CDH12: variants seen among roughly 807,000 people sequenced by gnomAD.
The protein encoded by CDH12 is cadherin-12.
Under a neutral mutation model 74.1 loss-of-function variants are expected in CDH12, and 41 were observed. The ratio of observed to expected loss-of-function variants is 0.55; its 90% confidence interval spans 0.43 to 0.72. CDH12 has a LOEUF of 0.72. CDH12 is among the 30% of genes least tolerant of loss of function. The pLI is 0.00. For synonymous variants in CDH12, 399 were observed against 355.0 expected (o/e 1.12, Z -1.39); for missense variants, 945 against 977.2 (o/e 0.97, Z 0.44).
chr5:22,434,415 TC>T (rs1164070348), intron 2 of CDH12, among the ~76,000 whole-genome samples: 4 of 152,156 alleles, frequency 2.6e-5, no homozygotes, highest in Non-Finnish European at 5.9e-5. Context: ...TTCAATTTTT[TC>T]TTGTCCAAAT....
In CDH12 at chr5:22,717,803, G is replaced by A. The variant is rs540125687; in HGVS notation, c.-523+135255C>T. On this transcript the variant is annotated intron_variant, in intron 1 of 14. Transcript: ENST00000382254. ...TGTTGCCTGAGGTTTGCAATTGGGG[G>A]ACCACTTCCTGCCAAGATTAGAGAG... Among the ~76,000 whole-genome samples, 8 of 152,050 alleles carry A rather than the reference G, an allele frequency of 5.3e-5. No homozygotes were observed. In the South Asian group the frequency reaches 1.7e-3, roughly 32 times the overall value.
intron 6 of CDH12, among the ~76,000 whole-genome samples, chr5:21,932,756 G>A (rs1267761428): frequency 6.6e-6 from 1 of 151,316 alleles, no homozygotes; most frequent in Non-Finnish European, 1.5e-5. Context: ...AAAATTAGCT[G>A]GGTGTCATGG....
chr5:22,846,214 G>A (rs150139290), intron 1 of CDH12, among the ~76,000 whole-genome samples: 10 of 152,238 alleles, frequency 6.6e-5, no homozygotes, highest in African/African-American at 2.4e-4. Context: ...GTAAAGAGGG[G>A]CAGAAATGAA....
chr5:22,322,477 CT>C (rs1738927063), intron 3 of CDH12, among the ~76,000 whole-genome samples: 1 of 151,894 alleles, frequency 6.6e-6, no homozygotes, highest in Non-Finnish European at 1.5e-5. Context: ...ATTATTTTCT[CT>C]GCTCATTTGG....
rs186008008 is a variant in CDH12 at position 21,802,241 on chromosome 5, A to G, written c.1182T>C (p.Tyr394=). 110 of 1,613,960 alleles carry G rather than the reference A, an allele frequency of 6.8e-5. No homozygotes were observed. In the Admixed American group the frequency reaches 1.8e-3, roughly 27 times the overall value. ...TGATGGTCCCTACCGGAGTGTCTTC[A>G]TAAACCTCCATGGTGTAGAGCGGCT... ...FSKPLYTMEV[Y]EDTPVGTIIG... is the part of the protein sequence containing the mutation. Residue 394 remains tyrosine, a synonymous_variant, in exon 10 of 15, where the codon TAT becomes TAC. Coordinates refer to ENST00000382254, the MANE Select transcript of CDH12 (RefSeq NM_004061.5).
At chr5:22,097,874 C>T (rs555738395) in intron 4 of CDH12, among the ~76,000 whole-genome samples, 1 of 152,170 alleles carries the variant, frequency 6.6e-6, no homozygotes, top group South Asian at 2.1e-4. Flanking sequence ...TGTTATCTCT[C>T]ACCTGCTACA....
At chr5:22,517,610 T>G (rs935334657) in intron 1 of CDH12, among the ~76,000 whole-genome samples, 2 of 152,188 alleles carry the variant, frequency 1.3e-5, no homozygotes, top group African/African-American at 4.8e-5. Context: ...ATCTTATTGG[T>G]TCTGTTTCTC....
At chr5:22,301,690 G>A (rs768843824) in intron 3 of CDH12, among the ~76,000 whole-genome samples, 23 of 151,472 alleles carry the variant, frequency 1.5e-4, no homozygotes, top group African/African-American at 3.6e-4. Context: ...GGAGTGCAGC[G>A]GCTTGATCTT....
In CDH12 at chr5:22,624,067, G is replaced by C. The variant is rs1738135268; in HGVS notation, c.-522-118703C>G. On this transcript the variant is annotated intron_variant, in intron 1 of 14. Transcript: ENST00000382254. Reference sequence around the variant, plus strand: ...CTGACAAAACCAAGAAATGGGGAAAGGATTCCCTATTTAATAAATGGTACT... The same window carrying C: ...CTGACAAAACCAAGAAATGGGGAAACGATTCCCTATTTAATAAATGGTACT... 2.0e-5 allele frequency among the ~76,000 whole-genome samples: 3 copies of C among 152,180 alleles called. No individual in the cohort carries two copies. The South Asian group carries it at 6.2e-4, about 32-fold the overall frequency.
intron 7 of CDH12, among the ~76,000 whole-genome samples, chr5:21,851,494 T>TAAAAC (rs930491020): frequency 4.0e-5 from 6 of 150,676 alleles, no homozygotes; most frequent in African/African-American, 1.5e-4. Context: ...TATGTTAATA[T>TAAAAC]AAAACATTTT....
At chr5:22,483,047 T>C (rs892334946) in intron 2 of CDH12, among the ~76,000 whole-genome samples, 1 of 152,182 alleles carries the variant, frequency 6.6e-6, no homozygotes, top group Non-Finnish European at 1.5e-5. Flanking sequence ...CTCCCCCTTC[T>C]CTTCAACTAC....
chr5:21,791,848 A>C (rs964032301), intron 10 of CDH12, among the ~76,000 whole-genome samples: 1 of 151,878 alleles, frequency 6.6e-6, no homozygotes, highest in African/African-American at 2.4e-5. Context: ...CATTTCCCTT[A>C]AAATTGTACT....
chr5:22,110,339 A>G (rs1215844169), intron 4 of CDH12, among the ~76,000 whole-genome samples: 1 of 152,172 alleles, frequency 6.6e-6, no homozygotes, highest in Non-Finnish European at 1.5e-5. Context: ...ACACACAAAG[A>G]CAATGGCATG....
intron 5 of CDH12, among the ~76,000 whole-genome samples, chr5:22,071,070 T>C (rs1741908515): frequency 6.6e-6 from 1 of 152,118 alleles, no homozygotes; most frequent in Non-Finnish European, 1.5e-5. Flanking sequence ...CAAACCACCA[T>C]GGCACATGTT....
intron 6 of CDH12, among the ~76,000 whole-genome samples, chr5:21,922,954 C>A (rs980171376): frequency 1.6e-4 from 23 of 146,576 alleles, no homozygotes; most frequent in African/African-American, 6.0e-4. Context: ...ATATCTATAT[C>A]TATATCTATA....
intron 3 of CDH12, among the ~76,000 whole-genome samples, chr5:22,390,575 GAGATAGATAGATAGATAGAT>G (rs5866562): frequency 8.1e-5 from 12 of 148,266 alleles, no homozygotes; most frequent in South Asian, 4.3e-4. Flanking sequence ...GATGGATGGA[GAGATAGATAGATAGATAGAT>G]AGATAGATAG....
intron 1 of CDH12, among the ~76,000 whole-genome samples, chr5:22,535,139 TTTTC>T (rs1174266792): frequency 8.6e-5 from 12 of 139,232 alleles, no homozygotes; most frequent in African/African-American, 3.1e-4. Flanking sequence ...GCCTGGCTAA[TTTTC>T]TTTTTTTTTT....
At chr5:22,817,222 T>C (rs1483768295) in intron 1 of CDH12, among the ~76,000 whole-genome samples, 1 of 152,110 alleles carries the variant, frequency 6.6e-6, no homozygotes, top group East Asian at 1.9e-4. Context: ...AAAGTGTGGT[T>C]TTAGTCATTA....
At chr5:22,340,435 G>A (rs564729151) in intron 3 of CDH12, among the ~76,000 whole-genome samples, 1 of 151,358 alleles carries the variant, frequency 6.6e-6, no homozygotes, top group Non-Finnish European at 1.5e-5. Flanking sequence ...GCTGAGGCAG[G>A]AGAATGGTGT....
Sources: allele counts gnomAD v4.1 joint callset (sites outside exome capture counted in the v4.1 genomes callset), GRCh38; gene constraint gnomAD v4.1.1; transcripts MANE v1.5; gene names NCBI Gene and HGNC (gene_info 2026-07-23, HGNC 2026-07-21).